The following TAFA5 variants were observed in gnomAD, a reference collection of about 807,000 sequenced individuals.
TAFA5 encodes chemokine-like protein TAFA-5.
In TAFA5, 6 loss-of-function variants were observed where a neutral mutation model predicts 15.3. The ratio of observed to expected loss-of-function variants is 0.39; its 90% CI spans 0.21 to 0.77. The LOEUF (loss-of-function observed/expected upper bound fraction) is 0.77, where lower values mean the gene tolerates loss of function less well. Among genes scored for constraint, TAFA5 ranks in the 30% least tolerant of loss-of-function variants. The pLI, the probability that TAFA5 is intolerant of heterozygous loss-of-function variation, is 0.41. For synonymous variants in TAFA5, 103 were observed against 80.7 expected, an observed-to-expected ratio of 1.28 and a Z score of -1.48; for missense variants, 161 against 193.1, an observed-to-expected ratio of 0.83 and a Z score of 0.98.
intron 2 of TAFA5, among the ~76,000 whole-genome samples, chr22:48,698,934 C>CTTT (rs745562520): frequency 7.4e-5 from 7 of 94,692 alleles, no homozygotes; most frequent in Non-Finnish European, 1.2e-4. Context: ...TGTGGCAATG[C>CTTT]TTTTTTTTTT....
At chr22:48,744,582 G>A (rs1930273930) in intron 3 of TAFA5, among the ~76,000 whole-genome samples, 1 of 152,114 alleles carries the variant, frequency 6.6e-6, no homozygotes, top group Non-Finnish European at 1.5e-5. Flanking sequence ...AGGGCACTCG[G>A]CAAAGTCGCT....
At chr22:48,589,573 G>C (rs1163543573) in intron 1 of TAFA5, among the ~76,000 whole-genome samples, 1 of 152,206 alleles carries the variant, frequency 6.6e-6, no homozygotes, top group Non-Finnish European at 1.5e-5. Context: ...AACCCAGGGT[G>C]CTCTCTCATT....
chr22:48,576,342 TCGCGGCGGAG>T, intron 1 of TAFA5: 1 of 1,157,714 alleles, frequency 8.6e-7, no homozygotes, highest in Non-Finnish European at 1.1e-6. Flanking sequence ...GCGCCTCCAG[TCGCGGCGGAG>T]CGCGGCGTTG....
intron 3 of TAFA5, among the ~76,000 whole-genome samples, chr22:48,720,111 G>A (rs1024828335): frequency 1.2e-4 from 18 of 152,282 alleles, no homozygotes; most frequent in Admixed American, 5.2e-4. Context: ...ACGCTCGCCC[G>A]GTGCAGAAGG....
intron 2 of TAFA5, among the ~76,000 whole-genome samples, chr22:48,689,724 C>A (rs1303841018): frequency 1.3e-5 from 2 of 152,192 alleles, no homozygotes; most frequent in African/African-American, 4.8e-5. Flanking sequence ...GCTGTGCTTT[C>A]ATGGGGCTGG....
intron 1 of TAFA5, among the ~76,000 whole-genome samples, chr22:48,509,675 A>G (rs1921136598): frequency 6.6e-6 from 1 of 152,210 alleles, no homozygotes; most frequent in South Asian, 2.1e-4. Flanking sequence ...CTAGAGGCCC[A>G]GCGCAATGGC....
intron 2 of TAFA5, among the ~76,000 whole-genome samples, chr22:48,682,939 C>T (rs192207857): frequency 5.3e-5 from 8 of 152,278 alleles, no homozygotes; most frequent in Non-Finnish European, 8.8e-5. Context: ...TTTTGATTTC[C>T]GTCTCTCCCC....
intron 1 of TAFA5, among the ~76,000 whole-genome samples, chr22:48,505,843 A>G (rs1380420491): frequency 6.6e-6 from 1 of 152,216 alleles, no homozygotes; most frequent in African/African-American, 2.4e-5. Flanking sequence ...AAGGACACAG[A>G]TTACAATCTG....
rs995679780 is a variant in TAFA5, at chr22:48,742,368, A to T, written c.391-7471A>T. Among the ~76,000 whole-genome samples the T allele has an allele frequency of 5.3e-5, 8 of 152,240 alleles. No individual in the cohort carries two copies. Among genetic ancestry groups the T allele is most frequent in the African/African-American group, 1.7e-4 (7 of 41,462 alleles). On this transcript the variant is annotated intron_variant, in intron 3 of 3. Transcript: ENST00000402357. The surrounding 1 kb of genome is among the most constrained non-coding windows in gnomAD (Gnocchi z 6.2). ...TCACAGCGGAGGACACAGACAGCAG[A>T]GTCAAGCACAGTTTTAGTCAGAGCC...
At chr22:48,673,874 G>A (rs1239911897) in intron 2 of TAFA5, among the ~76,000 whole-genome samples, 2 of 152,110 alleles carry the variant, frequency 1.3e-5, no homozygotes, top group African/African-American at 2.4e-5. Context: ...ACTCTGCCTG[G>A]GAAATGCATC....
chr22:48,538,601 A>G (rs1922252210), intron 1 of TAFA5, among the ~76,000 whole-genome samples: 1 of 152,166 alleles, frequency 6.6e-6, no homozygotes, highest in Non-Finnish European at 1.5e-5. Context: ...GTGCCTGCTC[A>G]TGGGTCTGCC....
At chr22:48,534,743 C>T (rs912883444) in intron 1 of TAFA5, among the ~76,000 whole-genome samples, 4 of 152,164 alleles carry the variant, frequency 2.6e-5, no homozygotes, top group East Asian at 1.9e-4. Context: ...GGGGGAGGCC[C>T]GGCTCTCCGG....
At chr22:48,733,790 G>A (rs138095694) in intron 3 of TAFA5, among the ~76,000 whole-genome samples, 1 of 152,136 alleles carries the variant, frequency 6.6e-6, no homozygotes, top group African/African-American at 2.4e-5. Flanking sequence ...ATTGTCTACA[G>A]ATGGGTGGGA....
intron 1 of TAFA5, among the ~76,000 whole-genome samples, chr22:48,492,071 C>A (rs1032509662): frequency 6.6e-6 from 1 of 151,632 alleles, no homozygotes; most frequent in Non-Finnish European, 1.5e-5. Flanking sequence ...CACTAAAATA[C>A]AAAATAGACA....
chr22:48,737,934 C>G (rs1317107426), intron 3 of TAFA5, among the ~76,000 whole-genome samples: 3 of 152,088 alleles, frequency 2.0e-5, no homozygotes, highest in African/African-American at 7.2e-5. Flanking sequence ...CTGTGCAGCC[C>G]TGTTGTGCCT....
intron 1 of TAFA5, chr22:48,544,174 C>G (rs140633126): frequency 6.1e-6 from 1 of 164,442 alleles, no homozygotes; most frequent in Non-Finnish European, 1.3e-5. Context: ...TGGGGTCTTC[C>G]CTTCAGGTCC....
At chr22:48,609,851 A>G (rs908851130) in intron 1 of TAFA5, among the ~76,000 whole-genome samples, 1 of 152,058 alleles carries the variant, frequency 6.6e-6, no homozygotes, top group African/African-American at 2.4e-5. Flanking sequence ...CTTGGCTTCC[A>G]CCTGCCTCCC....
At chr22:48,614,769 G>T (rs1038866212) in intron 1 of TAFA5, among the ~76,000 whole-genome samples, 1 of 152,194 alleles carries the variant, frequency 6.6e-6, no homozygotes, top group Admixed American at 6.5e-5. Flanking sequence ...CGAGAGCTTC[G>T]TTCACACCTT....
chr22:48,676,460 C>T (rs1487356260), intron 2 of TAFA5, among the ~76,000 whole-genome samples: 6 of 152,240 alleles, frequency 3.9e-5, no homozygotes, highest in Non-Finnish European at 8.8e-5. Context: ...CTGTGGCTCC[C>T]GCTCAGAGGC....
Sources: allele counts gnomAD v4.1 joint callset (sites outside exome capture counted in the v4.1 genomes callset), GRCh38; gene constraint gnomAD v4.1.1; non-coding constraint Gnocchi (gnomAD v3.1); transcripts MANE v1.5; gene names NCBI Gene and HGNC (gene_info 2026-07-23, HGNC 2026-07-21).